The following OSBPL1A variants were observed in gnomAD, a reference collection of about 807,000 sequenced individuals.
OSBPL1A encodes the protein oxysterol binding protein like 1A.
In OSBPL1A, 80 loss-of-function variants were observed where a neutral mutation model predicts 137.1. The ratio of observed to expected loss-of-function variants is 0.58; its 90% CI spans 0.49 to 0.70. The LOEUF (loss-of-function observed/expected upper bound fraction) is 0.70, where lower values mean the gene tolerates loss of function less well. Among genes scored for constraint, OSBPL1A ranks in the 30% least tolerant of loss-of-function variants. OSBPL1A has a pLI of 0.00. For missense variants in OSBPL1A, 970 were observed against 1,129.4 expected, an observed-to-expected ratio of 0.86 and a Z score of 2.02; for synonymous variants, 365 against 389.7, an observed-to-expected ratio of 0.94 and a Z score of 0.75.
chr18:24,346,298 T>A lies in OSBPL1A; in HGVS notation c.283-4640A>T, dbSNP rs181026079. 2.0e-4 allele frequency among the ~76,000 whole-genome samples: 30 copies of A among 152,328 alleles called. 1 individual carries two copies. The East Asian group carries it at 4.2e-3, about 22-fold the overall frequency. On this transcript the variant is annotated intron_variant, in intron 4 of 27. Transcript: ENST00000319481. ...ATCCTCATGCCCAGATTATTTTTTT[T>A]AAATAACAGCTTTATTGAGGTGTAA...
chr18:24,245,447 C>T (rs1623173), intron 15 of OSBPL1A, among the ~76,000 whole-genome samples: 1 of 152,056 alleles, frequency 6.6e-6, no homozygotes, highest in Admixed American at 6.5e-5. Flanking sequence ...ACTTTTTTCA[C>T]GGTATGTGCT....
chr18:24,196,061 CT>C, intron 18 of OSBPL1A, 63 bp downstream of exon 18: 1 of 1,317,336 alleles, frequency 7.6e-7, no homozygotes, highest in South Asian at 1.2e-5. Context: ...TTTTAGGTTC[CT>C]TTCTAAAGAA....
intron 15 of OSBPL1A, among the ~76,000 whole-genome samples, chr18:24,272,969 A>G (rs1192942109): frequency 6.6e-6 from 1 of 152,144 alleles, no homozygotes; most frequent in Non-Finnish European, 1.5e-5. Flanking sequence ...GTAGTGGCAC[A>G]ATCTCAGCTC....
chr18:24,314,321 G>T lies in OSBPL1A; in HGVS notation c.897C>A (p.Phe299Leu). 2.5e-6 allele frequency: 4 copies of T among 1,610,806 alleles called. No individual in the cohort carries two copies. The highest frequency in any genetic ancestry group is 3.4e-6 in the Non-Finnish European group (4 of 1,178,822). Reference protein sequence around the residue: ...CTVKSTDSCLFFIKCFDDTIH... With the variant: ...CTVKSTDSCLLFIKCFDDTIH... ...TGGTGTCATCAAAGCATTTAATAAAGAAGAGGCAGCTATCAGTGGATTTTA... is the reference window on the plus strand; with the variant it reads ...TGGTGTCATCAAAGCATTTAATAAATAAGAGGCAGCTATCAGTGGATTTTA... The change falls in exon 12 of 28, where the codon TTC becomes TTA. Residue 299 changes from phenylalanine (F) to leucine (L), a missense_variant. By Grantham distance (22) the Phe-to-Leu change is conservative. This residue lies in a region of OSBPL1A where 647 missense variants were observed against 672.6 expected (regional missense o/e 0.96). Coordinates refer to ENST00000319481, the MANE Select transcript of OSBPL1A (RefSeq NM_080597.4).
At chr18:24,315,268 C>G (rs763092116) in intron 11 of OSBPL1A, among the ~76,000 whole-genome samples, 63 of 152,040 alleles carry the variant, frequency 4.1e-4, no homozygotes, top group African/African-American at 1.5e-3. Flanking sequence ...TAAAGCAAAC[C>G]TGGGAACCCA....
rs562612104 is a variant in OSBPL1A at position 24,217,258 on chromosome 18, C to CTTT, written c.1601+7781_1601+7783dup. The stretch of plus-strand genomic sequence containing the variant: ...TTTATTTTTTGAGACAAGTTTTGCT[C>CTTT]TTTTTTTTTTTTTTTTTGAGACAGA... On this transcript the variant is annotated intron_variant, in intron 17 of 27. Coordinates refer to ENST00000319481, the MANE Select transcript of OSBPL1A (RefSeq NM_080597.4). Among the ~76,000 whole-genome samples the CTTT allele has an allele frequency of 2.1e-4, 28 of 131,482 alleles. 1 individual carries two copies. Among genetic ancestry groups the CTTT allele is most frequent in the Admixed American group, 6.2e-4 (8 of 12,806 alleles). The allele number at this position is 131,482 out of a possible 152,430, so 86.3% of individuals were successfully genotyped here.
intron 15 of OSBPL1A, among the ~76,000 whole-genome samples, chr18:24,269,247 T>C (rs947763611): frequency 1.3e-5 from 2 of 152,222 alleles, no homozygotes; most frequent in Non-Finnish European, 2.9e-5. Flanking sequence ...TTTCAGTGAC[T>C]CTAACTGCCC....
Position 24,166,796 on chromosome 18 carries a change from C to A in OSBPL1A, c.2536-94G>T, listed in dbSNP as rs1440055643. ...TAGAAGAGGGTTGACTTGACAATGA[C>A]CCCCTCCCTTTCATGGTAACAATGG... On this transcript the variant is annotated intron_variant, in intron 25 of 27. Transcript: ENST00000319481. The A allele has an allele frequency of 7.9e-6, 10 of 1,261,934 alleles. No homozygotes were observed. The East Asian group carries it at 1.7e-4, about 21-fold the overall frequency. The allele number at this position is 1,261,934 out of a possible 1,614,324, so 78.2% of individuals were successfully genotyped here.
intron 15 of OSBPL1A, among the ~76,000 whole-genome samples, chr18:24,266,700 T>C (rs995669318): frequency 2.0e-5 from 3 of 152,176 alleles, no homozygotes; most frequent in Admixed American, 6.5e-5. Flanking sequence ...CTAGACTCCA[T>C]TCATAAGCAG....
At chr18:24,348,818 CCA>C (rs1378384368) in intron 4 of OSBPL1A, among the ~76,000 whole-genome samples, 6 of 151,896 alleles carry the variant, frequency 4.0e-5, no homozygotes, top group Admixed American at 2.0e-4. Context: ...AAAAGATACA[CCA>C]CAGTCTACTA....
At chr18:24,280,794 T>C (rs763918727) in intron 15 of OSBPL1A, 48 bp downstream of exon 15, 10 of 1,334,888 alleles carry the variant, frequency 7.5e-6, no homozygotes, top group East Asian at 2.5e-5. Context: ...CAACCACGCA[T>C]GCAACATCCA....
chr18:24,201,866 TC>T (rs1197809947), intron 17 of OSBPL1A, among the ~76,000 whole-genome samples: 1 of 152,140 alleles, frequency 6.6e-6, no homozygotes, highest in African/African-American at 2.4e-5. Context: ...TGAGCCCACC[TC>T]CTGCATCTGC....
chr18:24,181,176 C>T lies in OSBPL1A; in HGVS notation c.1781G>A (p.Ser594Asn). 6 of 1,614,082 alleles carry T rather than the reference C, an allele frequency of 3.7e-6. No homozygotes were observed. Among genetic ancestry groups the T allele is most frequent in the Non-Finnish European group, 5.1e-6 (6 of 1,179,980 alleles). The change falls in exon 19 of 28, where the codon AGT becomes AAT. Residue 594 changes from serine (S) to asparagine (N), a missense_variant. Ser to Asn is a conservative substitution (Grantham distance 46). This residue lies in a region of OSBPL1A where 323 missense variants were observed against 456.8 expected (regional missense o/e 0.71). Coordinates refer to ENST00000319481, the MANE Select transcript of OSBPL1A (RefSeq NM_080597.4). ...CCTTTCCACAGGATCAGAGAGTGAA[C>T]TGGCCTTGTGGATGAGGTAAGTATG... ...MEHTYLIHKA[S>N]SLSDPVERMQ...
chr18:24,184,091 T>C (rs2086679663), intron 18 of OSBPL1A, among the ~76,000 whole-genome samples: 1 of 152,224 alleles, frequency 6.6e-6, no homozygotes, highest in African/African-American at 2.4e-5. Context: ...AAAGTCCATA[T>C]ATGGACATAC....
chr18:24,321,391 G>A (rs1253677436), intron 7 of OSBPL1A, among the ~76,000 whole-genome samples: 1 of 152,084 alleles, frequency 6.6e-6, no homozygotes, highest in Non-Finnish European at 1.5e-5. Flanking sequence ...CGACCTCTTG[G>A]GCTCAAGTGA....
At chr18:24,332,892 C>T in intron 7 of OSBPL1A, 50 bp downstream of exon 7, 1 of 1,597,486 alleles carries the variant, frequency 6.3e-7, no homozygotes, top group Non-Finnish European at 8.6e-7. Context: ...GCATTGACTT[C>T]ATTTTATAAT....
chr18:24,197,318 G>A (rs1288327331), intron 17 of OSBPL1A, among the ~76,000 whole-genome samples: 1 of 152,168 alleles, frequency 6.6e-6, no homozygotes, highest in East Asian at 1.9e-4. Flanking sequence ...TTGCACTCCA[G>A]CCTGGGCAAC....
At position 24,319,578 on chromosome 18, in the gene OSBPL1A, C is replaced by T. The variant is rs114322557; in HGVS notation, c.626-769G>A. 4.8e-3 allele frequency among the ~76,000 whole-genome samples: 732 copies of T among 152,260 alleles called. 2 individuals carry two copies. Among genetic ancestry groups the T allele is most frequent in the African/African-American group, 0.012 (519 of 41,536 alleles). The stretch of plus-strand genomic sequence containing the variant: ...TAATTTTTCCAACCTTACACATGCA[C>T]ATTCCATGTTTTGCCCAACAACAAC... On this transcript the variant is annotated intron_variant, in intron 7 of 27. Transcript: ENST00000319481.
chr18:24,318,910 C>A, intron 7 of OSBPL1A, 101 bp from the exon 8 acceptor site: 1 of 986,178 alleles, frequency 1.0e-6, no homozygotes. Context: ...TTTTCTATTG[C>A]CTATATCTTT....
Sources: gnomAD v4.1 joint callset for allele counts (sites outside exome capture counted in the v4.1 genomes callset) on GRCh38, gnomAD v4.1.1 for gene constraint, gnomAD v4.1.1 regional missense constraint, MANE v1.5 for transcripts, NCBI Gene and HGNC (gene_info 2026-07-23, HGNC 2026-07-21) for gene names.